Variants in CPAP observed in about 807,000 individuals in gnomAD.
CPAP encodes the protein centrosomal P4.1-associated protein.
At chr13:24,894,703 C>A in the CPAP span, among the ~76,000 whole-genome samples, 1 of 151,754 alleles carries the variant, frequency 6.6e-6, no homozygotes, top group East Asian at 1.9e-4. Flanking sequence ...GCAGAACGCG[C>A]GGAGGAGACA....
the CPAP span, among the ~76,000 whole-genome samples, chr13:24,924,218 A>G: frequency 6.6e-6 from 1 of 152,182 alleles, no homozygotes; most frequent in Non-Finnish European, 1.5e-5. Context: ...GATGCCAGAC[A>G]AGGACCCAAA....
At chr13:24,910,819 C>G in the CPAP span, among the ~76,000 whole-genome samples, 1 of 152,178 alleles carries the variant, frequency 6.6e-6, no homozygotes, top group Non-Finnish European at 1.5e-5. Context: ...AAACCCTAAG[C>G]CATTCAACTA....
chr13:24,882,538 A>G, the CPAP span: 18,890 of 152,728 alleles, frequency 0.12, 1,262 homozygotes, highest in Middle Eastern at 0.16. Context: ...CTGGCTAGTC[A>G]TCGTTCATGC....
the CPAP span, among the ~76,000 whole-genome samples, chr13:24,909,054 A>G: frequency 5.8e-4 from 89 of 152,374 alleles, no homozygotes; most frequent in African/African-American, 1.9e-3. Context: ...AAGTAAATAC[A>G]GCAAAATATT....
the CPAP span, among the ~76,000 whole-genome samples, chr13:24,902,580 C>T: frequency 0.011 from 1,640 of 152,236 alleles, 37 homozygotes; most frequent in African/African-American, 0.036. Context: ...TTATCTGGAA[C>T]TTAGGGGCCA....
chr13:24,886,285 G>GT, the CPAP span: 9 of 1,287,662 alleles, frequency 7.0e-6, no homozygotes, highest in East Asian at 3.9e-4. Flanking sequence ...GTTAAAAAGT[G>GT]TAACAGAGCT....
chr13:24,921,320 A>G, the CPAP span, among the ~76,000 whole-genome samples: 1 of 151,290 alleles, frequency 6.6e-6, no homozygotes, highest in African/African-American at 2.4e-5. Context: ...AGCGACAGAT[A>G]TAACAATTCT....
chr13:24,886,966 C>A, the CPAP span, among the ~76,000 whole-genome samples: 1 of 152,152 alleles, frequency 6.6e-6, no homozygotes, highest in African/African-American at 2.4e-5. Flanking sequence ...TGGGCATAGA[C>A]AGGCTCCAGG....
At chr13:24,921,626 CTTTT>C in the CPAP span, among the ~76,000 whole-genome samples, 1 of 149,872 alleles carries the variant, frequency 6.7e-6, no homozygotes, top group Non-Finnish European at 1.5e-5. Flanking sequence ...AAAGTAATGA[CTTTT>C]TTTTTTTCAA....
chr13:24,904,694 T>C, the CPAP span, among the ~76,000 whole-genome samples: 2 of 152,374 alleles, frequency 1.3e-5, no homozygotes, highest in South Asian at 2.1e-4. Context: ...TTTGCTTCTA[T>C]GCTTTTTAAG....
the CPAP span, among the ~76,000 whole-genome samples, chr13:24,900,957 C>T: frequency 6.6e-6 from 1 of 152,148 alleles, no homozygotes; most frequent in African/African-American, 2.4e-5. Flanking sequence ...GAGGGAACGT[C>T]AGGAGCTCAC....
the CPAP span, among the ~76,000 whole-genome samples, chr13:24,892,152 C>G: frequency 1.4e-4 from 22 of 152,290 alleles, no homozygotes; most frequent in African/African-American, 4.3e-4. Context: ...TAATGCAGTG[C>G]CTGGCACACC....
chr13:24,883,372 G>A, the CPAP span: 3 of 1,580,256 alleles, frequency 1.9e-6, no homozygotes, highest in Non-Finnish European at 2.6e-6. Flanking sequence ...TGCCATCACT[G>A]TAAAATTTAA....
At chr13:24,912,147 A>C in the CPAP span, 1 of 1,360,910 alleles carries the variant, frequency 7.3e-7, no homozygotes, top group Non-Finnish European at 1.0e-6. Flanking sequence ...AATTCCTCCC[A>C]TCTCCCTCCT....
chr13:24,885,315 G>T, the CPAP span: 1 of 1,613,544 alleles, frequency 6.2e-7, no homozygotes, highest in African/African-American at 1.3e-5. Flanking sequence ...GTATGTCTTG[G>T]TCTTCCTCCT....
the CPAP span, among the ~76,000 whole-genome samples, chr13:24,896,266 A>T: frequency 2.0e-5 from 3 of 152,188 alleles, no homozygotes; most frequent in Non-Finnish European, 4.4e-5. Context: ...CAAAGGCGAG[A>T]GTTCAAGAAT....
At chr13:24,886,082 C>T in the CPAP span, 7 of 369,702 alleles carry the variant, frequency 1.9e-5, no homozygotes, top group African/African-American at 4.2e-5. Flanking sequence ...ATATGTCCAG[C>T]ACACCAATCA....
chr13:24,928,750 CAAT>C, the CPAP span, among the ~76,000 whole-genome samples: 1 of 152,114 alleles, frequency 6.6e-6, no homozygotes, highest in African/African-American at 2.4e-5. Flanking sequence ...ATTCTAACAA[CAAT>C]GTTGGGTGCA....
the CPAP span, among the ~76,000 whole-genome samples, chr13:24,885,034 C>T: frequency 6.6e-6 from 1 of 152,120 alleles, no homozygotes; most frequent in African/African-American, 2.4e-5. Context: ...AGAAAGGCTG[C>T]AAGAAAGGAA....
Sources: gnomAD v4.1 joint callset for allele counts (sites outside exome capture counted in the v4.1 genomes callset) on GRCh38, gnomAD v4.1.1 for gene constraint, MANE v1.5 for transcripts, NCBI Gene and HGNC (gene_info 2026-07-23, HGNC 2026-07-21) for gene names.